JPH3: variants seen among roughly 807,000 people sequenced by gnomAD.
The protein encoded by JPH3 is junctophilin-3.
A neutral mutation model predicts 59.6 loss-of-function variants in JPH3; 11 were observed. That is an observed-to-expected ratio of 0.18 (90% CI 0.12 to 0.31). The LOEUF (loss-of-function observed/expected upper bound fraction) is 0.31. Ranked by LOEUF, JPH3 falls within the 10% of genes least tolerant of loss-of-function variation. The pLI is 1.00. For missense variants in JPH3, 1,202 were observed against 1,105.7 expected, an observed-to-expected ratio of 1.09 and a Z score of -1.24; for synonymous variants, 673 against 483.6, an observed-to-expected ratio of 1.39 and a Z score of -5.14.
chr16:87,612,608 G>A (rs2030770960), intron 1 of JPH3, among the ~76,000 whole-genome samples: 1 of 152,160 alleles, frequency 6.6e-6, no homozygotes, highest in Non-Finnish European at 1.5e-5. Flanking sequence ...ACTTTAAGGC[G>A]GGGGTCTCAG....
chr16:87,641,674 A>G (rs2150843130), intron 1 of JPH3, among the ~76,000 whole-genome samples: 1 of 152,330 alleles, frequency 6.6e-6, no homozygotes, highest in South Asian at 2.1e-4. Flanking sequence ...TCCTTTTTCA[A>G]CGGAGAGGCT....
chr16:87,667,629 G>A (rs976809404), intron 2 of JPH3, among the ~76,000 whole-genome samples: 5 of 152,184 alleles, frequency 3.3e-5, no homozygotes, highest in African/African-American at 1.2e-4. Flanking sequence ...TGTGACAGCG[G>A]GGGGTCTTGG....
At position 87,685,171 on chromosome 16, in the gene JPH3, C is replaced by T. The variant is rs112305334; in HGVS notation, c.1285+905C>T. Reference sequence around the variant, plus strand: ...GCTGGGCGCTCCCCTGACTGGAACGCGAGACCACATCATCTCTAGAGGTGA... The same window carrying T: ...GCTGGGCGCTCCCCTGACTGGAACGTGAGACCACATCATCTCTAGAGGTGA... On this transcript the variant is annotated intron_variant, in intron 3 of 4. Coordinates refer to ENST00000284262, the MANE Select transcript of JPH3 (RefSeq NM_020655.4). Among the ~76,000 whole-genome samples, 139 of 152,280 alleles carry T rather than the reference C, an allele frequency of 9.1e-4. 2 individuals carry two copies. Among genetic ancestry groups the T allele is most frequent in the African/African-American group, 2.9e-3 (122 of 41,554 alleles).
chr16:87,636,187 C>A (rs552640616), intron 1 of JPH3, among the ~76,000 whole-genome samples: 3 of 152,334 alleles, frequency 2.0e-5, no homozygotes, highest in East Asian at 1.9e-4. Flanking sequence ...GTTTGCCCCC[C>A]ACAGCCTTGG....
intron 2 of JPH3, among the ~76,000 whole-genome samples, chr16:87,674,278 G>A (rs916121333): frequency 1.3e-5 from 2 of 152,150 alleles, no homozygotes; most frequent in Non-Finnish European, 2.9e-5. Flanking sequence ...AGCTTGCAGT[G>A]AGCCGAGATC....
chr16:87,627,536 T>C (rs552316957), intron 1 of JPH3, among the ~76,000 whole-genome samples: 1 of 152,208 alleles, frequency 6.6e-6, no homozygotes, highest in Middle Eastern at 3.4e-3. Flanking sequence ...GAGGTGGAGA[T>C]TGTGGTCCTT....
intron 2 of JPH3, among the ~76,000 whole-genome samples, chr16:87,674,709 G>C (rs1404061347): frequency 6.6e-6 from 1 of 152,130 alleles, no homozygotes; most frequent in Non-Finnish European, 1.5e-5. Context: ...CTTTCATTCT[G>C]TACATTGTAA....
At chr16:87,626,237 G>A (rs2031370666) in intron 1 of JPH3, among the ~76,000 whole-genome samples, 1 of 152,104 alleles carries the variant, frequency 6.6e-6, no homozygotes, top group South Asian at 2.1e-4. Context: ...TTTTTATCCT[G>A]TGATATTTCA....
intron 1 of JPH3, among the ~76,000 whole-genome samples, chr16:87,620,641 C>A (rs1325192565): frequency 6.6e-6 from 1 of 152,154 alleles, no homozygotes; most frequent in Admixed American, 6.5e-5. Flanking sequence ...CTGTTTCCTG[C>A]GTTTACACCA....
chr16:87,688,149 G>T (rs915209328), intron 3 of JPH3, among the ~76,000 whole-genome samples: 2 of 152,090 alleles, frequency 1.3e-5, no homozygotes, highest in African/African-American at 4.8e-5. Context: ...CCCTGTTTCT[G>T]GGGAGTGACC....
chr16:87,678,597 C>T (rs929974278), intron 2 of JPH3, among the ~76,000 whole-genome samples: 6 of 152,134 alleles, frequency 3.9e-5, no homozygotes, highest in Admixed American at 3.3e-4. Context: ...CACATACTCA[C>T]ACTCTCTGTA....
chr16:87,641,174 A>G (rs575705964), intron 1 of JPH3, among the ~76,000 whole-genome samples: 56 of 152,238 alleles, frequency 3.7e-4, no homozygotes, highest in Admixed American at 1.5e-3. Context: ...CACTCTGGAA[A>G]GGTGTGCAGT....
At position 87,689,840 on chromosome 16, in the gene JPH3, G is replaced by T. The variant is rs750501910; in HGVS notation, c.1480G>T (p.Ala494Ser). The change falls in exon 4 of 5, where the codon GCC becomes TCC. Residue 494 changes from alanine to serine, a missense_variant. Physicochemically the swap from Ala to Ser is moderately conservative, Grantham distance 99. Coordinates refer to ENST00000284262, the MANE Select transcript of JPH3 (RefSeq NM_020655.4). ...GGCCACCCCGCCGCCCGCGCCCGCC[G>T]CCAGGAACAAGGTCGCCCACTTCTC... ...PAATPPPAPA[A>S]RNKVAHFSRQ... The T allele has an allele frequency of 1.9e-6, 3 of 1,538,662 alleles. No homozygotes were observed. Among genetic ancestry groups the T allele is most frequent in the Middle Eastern group, 1.7e-4 (1 of 5,846 alleles).
intron 3 of JPH3, among the ~76,000 whole-genome samples, chr16:87,685,535 G>A (rs1255547546): frequency 6.6e-6 from 1 of 152,242 alleles, no homozygotes; most frequent in East Asian, 1.9e-4. Context: ...ACACTTGGGG[G>A]CACACGTGTA....
chr16:87,611,873 G>A lies in JPH3; in HGVS notation c.382+8345G>A, dbSNP rs547022616. ...CTCCTAAGCCTGGCTACACATTCGAGTCACTAAGAATGTCCCTGGGAGACG... is the reference window on the plus strand; with the variant it reads ...CTCCTAAGCCTGGCTACACATTCGAATCACTAAGAATGTCCCTGGGAGACG... On this transcript the variant is annotated intron_variant, in intron 1 of 4. Transcript: ENST00000284262. This position sits in a 1 kb window ranked among gnomAD's most constrained non-coding sequence, Gnocchi z 4.5. Among the ~76,000 whole-genome samples, 34 of 152,340 alleles carry A rather than the reference G, an allele frequency of 2.2e-4. No homozygotes were observed. In the South Asian group the frequency reaches 6.6e-3, roughly 30 times the overall value.
intron 1 of JPH3, among the ~76,000 whole-genome samples, chr16:87,617,915 C>T (rs866699473): frequency 7.9e-5 from 12 of 152,206 alleles, no homozygotes; most frequent in Middle Eastern, 3.4e-3. Context: ...GTAATCCCAG[C>T]ACTTTGGGAG....
intron 2 of JPH3, among the ~76,000 whole-genome samples, chr16:87,667,082 G>A (rs1035031027): frequency 6.6e-6 from 1 of 152,218 alleles, no homozygotes; most frequent in Non-Finnish European, 1.5e-5. Flanking sequence ...CAGCCTCTGG[G>A]GAGGGTCCCT....
intron 1 of JPH3, among the ~76,000 whole-genome samples, chr16:87,643,972 T>C (rs55889059): frequency 0.19 from 28,469 of 152,080 alleles, 3,140 homozygotes; most frequent in East Asian, 0.35. Flanking sequence ...CTGCCATCTC[T>C]ACAAATAATT....
chr16:87,653,375 C>G (rs549187687), intron 2 of JPH3, among the ~76,000 whole-genome samples: 11 of 152,218 alleles, frequency 7.2e-5, no homozygotes, highest in African/African-American at 2.6e-4. Context: ...GCAGGGTTCT[C>G]CAGTGAGTGA....
Sources: gnomAD v4.1 joint callset for allele counts (sites outside exome capture counted in the v4.1 genomes callset) on GRCh38, gnomAD v4.1.1 for gene constraint, Gnocchi (gnomAD v3.1) non-coding constraint, MANE v1.5 for transcripts, NCBI Gene and HGNC (gene_info 2026-07-23, HGNC 2026-07-21) for gene names.